Variants in FANCA observed in about 807,000 individuals in gnomAD.
FANCA encodes Fanconi anemia group A protein.
A neutral mutation model predicts 194.3 loss-of-function variants in FANCA; 236 were observed. The observed-to-expected ratio is 1.21, with a 90% confidence interval of 1.09 to 1.35. FANCA has a LOEUF of 1.35. FANCA is among the 40% of genes most tolerant of loss of function. The pLI is 0.00. For synonymous variants in FANCA, 1,014 were observed against 715.8 expected, an observed-to-expected ratio of 1.42 and a Z score of -6.65; for missense variants, 2,628 against 1,813.9, an observed-to-expected ratio of 1.45 and a Z score of -8.15.
At chr16:89,810,625 C>G in intron 5 of FANCA, 82 bp downstream of exon 5, 1 of 907,260 alleles carries the variant, frequency 1.1e-6, no homozygotes, top group Non-Finnish European at 1.9e-6. Flanking sequence ...CCAAGAAAAC[C>G]CAGGTACTCT....
chr16:89,738,920 G>T lies in FANCA; in HGVS notation c.4222C>A (p.Pro1408Thr), dbSNP rs767206558. The change falls in exon 42 of 43, where the codon CCT becomes ACT. Residue 1408 changes from proline (P) to threonine (T), a missense_variant. Transcript: ENST00000389301. ...KARLFLLQLI[P>T]RCPKKSFSHV... Reference sequence around the variant, plus strand: ...GAGAAGCTCTTTTTCGGGCACCGAGGTATTAACTGCAGCAGAAAAAGACGA... The same window carrying T: ...GAGAAGCTCTTTTTCGGGCACCGAGTTATTAACTGCAGCAGAAAAAGACGA... The T allele has an allele frequency of 8.1e-6, 13 of 1,614,148 alleles. No homozygotes were observed. In the African/African-American group the frequency reaches 1.7e-4, roughly 22 times the overall value.
chr16:89,751,789 C>T (rs1444455024), intron 31 of FANCA, among the ~76,000 whole-genome samples: 2 of 148,460 alleles, frequency 1.3e-5, no homozygotes, highest in South Asian at 2.1e-4. Context: ...TTTTTTGAGA[C>T]GGAGTCTCAC....
rs1310455827 is a variant in FANCA, at chr16:89,740,811, G to A, written c.3821C>T (p.Thr1274Ile). The A allele has an allele frequency of 9.9e-6, 16 of 1,613,392 alleles. No homozygotes were observed. The highest frequency in any genetic ancestry group is 1.2e-5 in the Non-Finnish European group (14 of 1,179,702). Residue 1274 changes from threonine (T) to isoleucine (I), a missense_variant, in exon 38 of 43, where the codon ACC becomes ATC. Coordinates refer to ENST00000389301, the MANE Select transcript of FANCA (RefSeq NM_000135.4). Reference protein sequence around the residue: ...SLMGLLSSHLTSNSTTDLPKA... With the variant: ...SLMGLLSSHLISNSTTDLPKA... ...TGGTAAGGTCTGACTTACATTTGAG[G>A]TCAGATGTGACGACAGCAGGCCCAT... is the stretch of plus-strand genomic sequence containing the variant.
chr16:89,776,112 T>C (rs1046360105), intron 20 of FANCA, among the ~76,000 whole-genome samples: 1 of 149,344 alleles, frequency 6.7e-6, no homozygotes, highest in Non-Finnish European at 1.5e-5. Context: ...ATTTCTCTCA[T>C]ACAATTTTTG....
At position 89,782,873 on chromosome 16, in the gene FANCA, C is replaced by G. The variant is rs2039767898; in HGVS notation, c.1612G>C (p.Gly538Arg). ...MGLYEDLSSA[G>R]DITEPHSQAL... ...AGCAACATTACCTCAGTAATGTCCC[C>G]AGCTGATGACAAATCCTCGTAGAGT... The change falls in exon 17 of 43, where the codon GGG becomes CGG. Residue 538 changes from glycine (G) to arginine (R), a missense_variant. Gly to Arg is a moderately radical substitution (Grantham distance 125). Coordinates refer to ENST00000389301, the MANE Select transcript of FANCA (RefSeq NM_000135.4). The G allele has an allele frequency of 1.2e-6, 2 of 1,613,946 alleles. No homozygotes were observed. Among genetic ancestry groups the G allele is most frequent in the African/African-American group, 2.7e-5 (2 of 74,932 alleles).
At chr16:89,805,153 T>A (rs532528163) in intron 7 of FANCA, 127 bp downstream of exon 7, 1 of 733,558 alleles carries the variant, frequency 1.4e-6, no homozygotes, top group African/African-American at 1.7e-5. Flanking sequence ...TGGGAGTCTG[T>A]CATGCCAGGT....
At chr16:89,816,154 C>G in intron 1 of FANCA, 168 bp from the exon 2 acceptor site, 1 of 670,694 alleles carries the variant, frequency 1.5e-6, no homozygotes, top group Non-Finnish European at 2.7e-6. Flanking sequence ...GGAGACGGCC[C>G]CACCGCGGAC....
intron 42 of FANCA, 46 bp downstream of exon 42, chr16:89,738,836 A>G: frequency 6.2e-7 from 1 of 1,614,166 alleles, no homozygotes; most frequent in Non-Finnish European, 8.5e-7. Flanking sequence ...GCAGCTGTCA[A>G]TTCTCATGTC....
At chr16:89,811,345 A>C (rs940177934) in intron 3 of FANCA, among the ~76,000 whole-genome samples, 4 of 152,240 alleles carry the variant, frequency 2.6e-5, no homozygotes, top group African/African-American at 9.6e-5. Context: ...CAAGATAAAG[A>C]AATATATTCT....
chr16:89,797,782 C>G (rs2040298284), intron 10 of FANCA, among the ~76,000 whole-genome samples: 1 of 152,068 alleles, frequency 6.6e-6, no homozygotes, highest in Admixed American at 6.5e-5. Flanking sequence ...GTAATCCCAG[C>G]TACTCAGGAG....
chr16:89,752,835 A>G (rs17227001), intron 30 of FANCA, among the ~76,000 whole-genome samples: 21,641 of 152,210 alleles, frequency 0.14, 1,925 homozygotes, highest in Middle Eastern at 0.3. Context: ...CAGCGGTAGC[A>G]AAAGGTGTCA....
chr16:89,798,675 G>T (rs934526264), intron 10 of FANCA: 204 of 1,272,832 alleles, frequency 1.6e-4, no homozygotes, highest in Admixed American at 2.0e-4. Context: ...CATCTCCACA[G>T]AGCCATGGAG....
intron 1 of FANCA, 85 bp from the exon 2 acceptor site, chr16:89,816,071 G>C: frequency 2.0e-6 from 2 of 1,009,956 alleles, no homozygotes; most frequent in Non-Finnish European, 3.1e-6. Flanking sequence ...ACGCCGCGGA[G>C]AAACCCACCA....
chr16:89,814,555 G>T lies in FANCA; in HGVS notation c.248C>A (p.Ser83Tyr), dbSNP rs747368109. The T allele has an allele frequency of 1.9e-6, 3 of 1,613,792 alleles. No individual in the cohort carries two copies. Among genetic ancestry groups the T allele is most frequent in the Non-Finnish European group, 1.7e-6 (2 of 1,179,724 alleles). The part of the protein sequence containing the change: ...SLSKVIDCDS[S>Y]EAYANHSSSF... ...ACTAGAATGATTAGCATAGGCCTCA[G>T]AACTGTCACAGTCAATCACTTTGCT... Residue 83 changes from serine (S) to tyrosine (Y), a missense_variant, in exon 3 of 43, where the codon TCT (serine) becomes TAT (tyrosine). Coordinates refer to ENST00000389301, the MANE Select transcript of FANCA (RefSeq NM_000135.4).
chr16:89,740,540 G>A (rs757971559), intron 38 of FANCA: 4 of 524,024 alleles, frequency 7.6e-6, no homozygotes, highest in East Asian at 6.7e-5. Flanking sequence ...GGAGGCTGAT[G>A]CAGGAGAATT....
intron 30 of FANCA, among the ~76,000 whole-genome samples, chr16:89,757,266 T>C (rs2038798285): frequency 6.6e-6 from 1 of 152,096 alleles, no homozygotes; most frequent in Admixed American, 6.6e-5. Flanking sequence ...AGCCTCAAGG[T>C]TGTTTTGACC....
chr16:89,772,712 G>C (rs17226540), intron 22 of FANCA, among the ~76,000 whole-genome samples: 2,030 of 151,766 alleles, frequency 0.013, 38 homozygotes, highest in South Asian at 0.099. Context: ...CTAGCAACTT[G>C]GGAGGCTGAG....
At chr16:89,744,784 G>C in intron 36 of FANCA, 175 bp downstream of exon 36, 1 of 673,468 alleles carries the variant, frequency 1.5e-6, no homozygotes, top group Non-Finnish European at 2.7e-6. Flanking sequence ...GGCCTCCCCA[G>C]TAGTTGGGAT....
chr16:89,751,655 G>C (rs2038595953), intron 31 of FANCA, among the ~76,000 whole-genome samples: 1 of 152,126 alleles, frequency 6.6e-6, no homozygotes, highest in Non-Finnish European at 1.5e-5. Flanking sequence ...AATGCCTGTT[G>C]ACTGACAGTG....
Sources: allele counts gnomAD v4.1 joint callset (sites outside exome capture counted in the v4.1 genomes callset), GRCh38; gene constraint gnomAD v4.1.1; transcripts MANE v1.5; gene names NCBI Gene and HGNC (gene_info 2026-07-23, HGNC 2026-07-21).